Variants in SUCLG2 observed in about 807,000 individuals in gnomAD.
The protein encoded by SUCLG2 is succinate-CoA ligase GDP-forming subunit beta.
SUCLG2 carries 42 observed loss-of-function variants against 47.9 expected under a neutral mutation model. The ratio of observed to expected loss-of-function variants is 0.88; its 90% CI spans 0.69 to 1.14. SUCLG2 has a LOEUF of 1.14. Among genes scored for constraint, SUCLG2 ranks in the 50% most tolerant of loss-of-function variants. SUCLG2 has a pLI of 0.00. For missense variants in SUCLG2, 571 were observed against 525.9 expected (o/e 1.09, Z -0.84); for synonymous variants, 195 against 197.3 (o/e 0.99, Z 0.10).
chr3:67,402,486 C>T (rs2106818021), intron 9 of SUCLG2, among the ~76,000 whole-genome samples: 1 of 152,348 alleles, frequency 6.6e-6, no homozygotes, highest in South Asian at 2.1e-4. Flanking sequence ...TCTCCCATTA[C>T]TATTCACAGT....
chr3:67,405,749 T>G (rs1318966449), intron 9 of SUCLG2, among the ~76,000 whole-genome samples: 2 of 152,190 alleles, frequency 1.3e-5, no homozygotes, highest in African/African-American at 2.4e-5. Context: ...GAATGTGTAT[T>G]TTTCTGGGCA....
At chr3:67,386,548 G>C (rs1702265043) in intron 10 of SUCLG2, among the ~76,000 whole-genome samples, 1 of 152,210 alleles carries the variant, frequency 6.6e-6, no homozygotes, top group African/African-American at 2.4e-5. Flanking sequence ...TGGCTGAGGA[G>C]GCCTCACAAT....
chr3:67,600,417 C>G (rs1708393457), intron 2 of SUCLG2, among the ~76,000 whole-genome samples: 1 of 152,216 alleles, frequency 6.6e-6, no homozygotes, highest in Non-Finnish European at 1.5e-5. Flanking sequence ...TTGTTGCCAT[C>G]TCAATCATTC....
chr3:67,565,488 C>T (rs960543375), intron 2 of SUCLG2, among the ~76,000 whole-genome samples: 3 of 152,290 alleles, frequency 2.0e-5, no homozygotes, highest in African/African-American at 7.2e-5. Flanking sequence ...TAAAAACTAA[C>T]CTATTTCATT....
intron 9 of SUCLG2, among the ~76,000 whole-genome samples, chr3:67,416,832 A>C (rs1030800505): frequency 2.0e-5 from 3 of 152,228 alleles, no homozygotes; most frequent in African/African-American, 7.2e-5. Flanking sequence ...GAAAATTATT[A>C]AAATATCTGG....
At chr3:67,435,955 A>C (rs1354522546) in intron 9 of SUCLG2, among the ~76,000 whole-genome samples, 1 of 152,208 alleles carries the variant, frequency 6.6e-6, no homozygotes, top group Non-Finnish European at 1.5e-5. Context: ...TGTCTCCCAA[A>C]AGCGGTCCTG....
Position 67,610,685 on chromosome 3 carries a change from C to G in SUCLG2, c.85-1089G>C, listed in dbSNP as rs1222738153. ...AAGACTGGTAGTACATGGACATCATCTGATACAATCCCTACTGGCTTCTGT... is the reference window on the plus strand; with the variant it reads ...AAGACTGGTAGTACATGGACATCATGTGATACAATCCCTACTGGCTTCTGT... On this transcript the variant is annotated intron_variant, in intron 1 of 10. Coordinates refer to ENST00000307227, the MANE Select transcript of SUCLG2 (RefSeq NM_003848.4). Among the ~76,000 whole-genome samples, 5 of 152,268 alleles carry G rather than the reference C, an allele frequency of 3.3e-5. No homozygotes were observed. The South Asian group carries it at 6.2e-4, about 19-fold the overall frequency.
intron 9 of SUCLG2, among the ~76,000 whole-genome samples, chr3:67,478,299 T>A (rs1433782103): frequency 3.9e-5 from 6 of 152,218 alleles, no homozygotes; most frequent in African/African-American, 7.2e-5. Flanking sequence ...TTATTTCCTC[T>A]AATAATGGAT....
At chr3:67,464,828 G>A (rs1704430349) in intron 9 of SUCLG2, among the ~76,000 whole-genome samples, 1 of 152,152 alleles carries the variant, frequency 6.6e-6, no homozygotes, top group African/African-American at 2.4e-5. Flanking sequence ...TGAGATTGGT[G>A]GATCAGTCTT....
At chr3:67,481,587 A>C (rs75389991) in intron 9 of SUCLG2, among the ~76,000 whole-genome samples, 4,999 of 152,326 alleles carry the variant, frequency 0.033, 138 homozygotes, top group East Asian at 0.13. Flanking sequence ...CAACACTGAC[A>C]GTCCATGGCT....
chr3:67,458,337 T>C (rs948892553), intron 9 of SUCLG2, among the ~76,000 whole-genome samples: 10 of 152,250 alleles, frequency 6.6e-5, no homozygotes, highest in South Asian at 4.1e-4. Context: ...CCCTAAGAAA[T>C]AGGCACTAAT....
chr3:67,534,298 T>C (rs79064030), intron 2 of SUCLG2, among the ~76,000 whole-genome samples: 7,308 of 152,226 alleles, frequency 0.048, 229 homozygotes, highest in African/African-American at 0.089. Flanking sequence ...TTTGAAGAGT[T>C]TGATTATTTA....
At position 67,463,165 on chromosome 3, in the gene SUCLG2, C is replaced by T. The variant is rs540355279; in HGVS notation, c.1062+32633G>A. On this transcript the variant is annotated intron_variant, in intron 9 of 10. Coordinates refer to ENST00000307227, the MANE Select transcript of SUCLG2 (RefSeq NM_003848.4). ...AGGGGATGAAGTAATTACAGGCCCT[C>T]TCTGAGACTGTCTTCTTAACAAGGT... Among the ~76,000 whole-genome samples the T allele has an allele frequency of 8.5e-5, 13 of 152,334 alleles. No individual in the cohort carries two copies. The South Asian group carries it at 2.5e-3, about 29-fold the overall frequency.
chr3:67,528,300 A>C, intron 3 of SUCLG2, 78 bp from the exon 4 acceptor site: 39 of 1,272,772 alleles, frequency 3.1e-5, no homozygotes, highest in Non-Finnish European at 4.2e-5. Flanking sequence ...ACAGAGCCTC[A>C]TGTCTACACT....
chr3:67,502,262 G>T (rs751428327), intron 7 of SUCLG2, among the ~76,000 whole-genome samples: 5 of 152,206 alleles, frequency 3.3e-5, no homozygotes, highest in Non-Finnish European at 5.9e-5. Context: ...TGAGAGTTTG[G>T]TAGGAGAAAA....
chr3:67,436,509 G>A (rs1423712354), intron 9 of SUCLG2, among the ~76,000 whole-genome samples: 1 of 152,142 alleles, frequency 6.6e-6, no homozygotes, highest in Non-Finnish European at 1.5e-5. Context: ...CAAGACCAAC[G>A]ATTCAAAAAT....
intron 10 of SUCLG2, among the ~76,000 whole-genome samples, chr3:67,382,102 T>C (rs1322282003): frequency 6.6e-6 from 1 of 152,216 alleles, no homozygotes; most frequent in Non-Finnish European, 1.5e-5. Flanking sequence ...GAATTCAGTT[T>C]TTTAAAAAAG....
chr3:67,563,682 G>A (rs771493861), intron 2 of SUCLG2, among the ~76,000 whole-genome samples: 23 of 152,096 alleles, frequency 1.5e-4, no homozygotes, highest in Admixed American at 3.3e-4. Flanking sequence ...CTAGTTGGCC[G>A]GGCGCGGTGG....
intron 1 of SUCLG2, among the ~76,000 whole-genome samples, chr3:67,635,372 G>A (rs1700992691): frequency 1.3e-5 from 2 of 152,110 alleles, no homozygotes; most frequent in Admixed American, 1.3e-4. Flanking sequence ...CTGAACAGTG[G>A]GAAAAGAGAA....
Sources: allele counts gnomAD v4.1 joint callset (sites outside exome capture counted in the v4.1 genomes callset), GRCh38; gene constraint gnomAD v4.1.1; transcripts MANE v1.5; gene names NCBI Gene and HGNC (gene_info 2026-07-23, HGNC 2026-07-21).